ZCWPW1: variants seen among roughly 807,000 people sequenced by gnomAD.
ZCWPW1 encodes zinc finger CW-type and PWWP domain containing 1.
A neutral mutation model predicts 81.3 loss-of-function variants in ZCWPW1; 56 were observed. The observed-to-expected ratio is 0.69, with a 90% confidence interval of 0.56 to 0.86. The LOEUF (loss-of-function observed/expected upper bound fraction) is 0.86. Ranked by LOEUF, ZCWPW1 falls within the 40% of genes least tolerant of loss-of-function variation. The pLI is 0.00. For synonymous variants in ZCWPW1, 250 were observed against 273.7 expected, an observed-to-expected ratio of 0.91 and a Z score of 0.86; for missense variants, 650 against 769.8, an observed-to-expected ratio of 0.84 and a Z score of 1.84.
rs766317643 is a variant in ZCWPW1, at chr7:100,402,557, C to T, written c.1433G>A (p.Arg478His). 24 of 1,613,838 alleles carry T rather than the reference C, an allele frequency of 1.5e-5. No homozygotes were observed. Among genetic ancestry groups the T allele is most frequent in the Middle Eastern group, 3.3e-4 (2 of 6,084 alleles). The change falls in exon 16 of 18, where the codon CGT (arginine) becomes CAT (histidine). Residue 478 changes from arginine to histidine, a missense_variant. Physicochemically the swap from Arg to His is conservative, Grantham distance 29. Transcript: ENST00000684423. ...TTGGGTCTGTATTTTGACTCGCTTACGAATGGGCAAAATTGGGTCCTGAGG... is the reference window on the plus strand; with the variant it reads ...TTGGGTCTGTATTTTGACTCGCTTATGAATGGGCAAAATTGGGTCCTGAGG... ...GEKTDPILPI[R>H]KRVKIQTQKT...
chr7:100,405,753 T>C (rs1792872457), intron 12 of ZCWPW1, among the ~76,000 whole-genome samples: 2 of 152,136 alleles, frequency 1.3e-5, no homozygotes, highest in Admixed American at 6.5e-5. Context: ...TGCCTCAGCC[T>C]CCTGCTGGGA....
rs1489944706 is a variant in ZCWPW1, at chr7:100,406,828, T to C, written c.1069-30A>G. 2.5e-6 allele frequency: 4 copies of C among 1,584,010 alleles called. No individual in the cohort carries two copies. In the Admixed American group the frequency reaches 6.7e-5, roughly 26 times the overall value. On this transcript the variant is annotated intron_variant, in intron 11 of 17. Transcript: ENST00000684423. ...AATAAAAGATGATCCTGTTACGGAC[T>C]CCTGTCCTGCTCCCTGCTTTTCTCC...
intron 2 of ZCWPW1, among the ~76,000 whole-genome samples, chr7:100,423,429 C>T (rs1413265229): frequency 6.6e-6 from 1 of 152,104 alleles, no homozygotes; most frequent in Non-Finnish European, 1.5e-5. Context: ...CTTAAATGGC[C>T]AAACTCGTTC....
At chr7:100,422,134 T>C (rs1458459200) in intron 2 of ZCWPW1, among the ~76,000 whole-genome samples, 1 of 152,222 alleles carries the variant, frequency 6.6e-6, no homozygotes, top group East Asian at 1.9e-4. Flanking sequence ...GGTAACATTT[T>C]ACACTTGGGG....
intron 1 of ZCWPW1, among the ~76,000 whole-genome samples, chr7:100,426,766 T>TCCTTGCCCTCCTC (rs889478599): frequency 1.1e-5 from 1 of 94,200 alleles, no homozygotes. Context: ...TCCCCCTCCT[T>TCCTTGCCCTCCTC]CCTTGCCCTC....
At chr7:100,403,902 T>G in intron 14 of ZCWPW1, 117 bp from the exon 15 acceptor site, 1 of 1,138,918 alleles carries the variant, frequency 8.8e-7, no homozygotes, top group Non-Finnish European at 1.3e-6. Flanking sequence ...AAGTGGTATT[T>G]TCTCCATAAA....
Position 100,401,207 on chromosome 7 carries a change from G to A in ZCWPW1, c.1757C>T (p.Ala586Val), listed in dbSNP as rs369399006. The change falls in exon 18 of 18, where the codon GCG (alanine) becomes GTG (valine). Residue 586 changes from alanine (A) to valine (V), a missense_variant. By Grantham distance (64) the Ala-to-Val change is moderately conservative. Coordinates refer to ENST00000684423, the MANE Select transcript of ZCWPW1 (RefSeq NM_001386010.1). ...SACKGACPSSAKEEPRHREPL... is the reference protein window; with the variant it reads ...SACKGACPSSVKEEPRHREPL... The stretch of plus-strand genomic sequence containing the variant: ...TTCCCGGTGTCTGGGCTCTTCTTTC[G>A]CAGATGAGGGGCAGGCCCCCTTACA... 30 of 1,614,218 alleles carry A rather than the reference G, an allele frequency of 1.9e-5. No individual in the cohort carries two copies. The highest frequency in any genetic ancestry group is 3.3e-5 in the South Asian group (3 of 91,082).
intron 5 of ZCWPW1, among the ~76,000 whole-genome samples, chr7:100,418,480 A>T (rs1022476507): frequency 6.6e-6 from 1 of 152,090 alleles, no homozygotes; most frequent in Non-Finnish European, 1.5e-5. Flanking sequence ...GCAAGACCTC[A>T]TCTCTACAAA....
chr7:100,427,930 ACCCCCACTCCTG>A (rs1334605443), intron 1 of ZCWPW1, among the ~76,000 whole-genome samples: 1 of 133,716 alleles, frequency 7.5e-6, no homozygotes, highest in Admixed American at 7.5e-5. Flanking sequence ...TCTCCCCTCC[ACCCCCACTCCTG>A]CCGAGGCCCC....
intron 1 of ZCWPW1, among the ~76,000 whole-genome samples, chr7:100,427,245 C>G (rs1040897328): frequency 6.4e-5 from 7 of 109,790 alleles, no homozygotes; most frequent in Non-Finnish European, 1.1e-4. Context: ...TCCTTCCTTC[C>G]TCCCCCTTCC....
In ZCWPW1 at chr7:100,403,697, T is replaced by C. The variant is rs763042004; in HGVS notation, c.1410A>G (p.Lys470=). 9 of 1,610,810 alleles carry C rather than the reference T, an allele frequency of 5.6e-6. No homozygotes were observed. The East Asian group carries it at 1.6e-4, about 28-fold the overall frequency. ...CTGAAATTAAAGCTAATCTTACTGT[T>C]TTCTCTCCTTCCTCCTTTTCCAACT... The part of the protein sequence containing the change: ...EEELEKEEGE[K]TDPILPIRKR... The change falls in exon 15 of 18, where the codon AAA becomes AAG. Residue 470 remains lysine, a synonymous_variant. Transcript: ENST00000684423.
At chr7:100,414,851 C>T (rs1456511343) in intron 8 of ZCWPW1, among the ~76,000 whole-genome samples, 1 of 151,740 alleles carries the variant, frequency 6.6e-6, no homozygotes, top group African/African-American at 2.4e-5. Flanking sequence ...ATGGTGAAAC[C>T]CCATCTCTAC....
chr7:100,409,796 G>C (rs1312141977), intron 8 of ZCWPW1, among the ~76,000 whole-genome samples: 1 of 152,172 alleles, frequency 6.6e-6, no homozygotes, highest in Non-Finnish European at 1.5e-5. Flanking sequence ...TCTTTTTCCT[G>C]TACTAGGCTA....
chr7:100,402,210 C>A (rs1240902430), intron 16 of ZCWPW1, among the ~76,000 whole-genome samples, 169 bp from the exon 17 acceptor site: 2 of 152,164 alleles, frequency 1.3e-5, no homozygotes, highest in African/African-American at 4.8e-5. Flanking sequence ...CCCCCCAATT[C>A]TCTTTTTTTC....
At position 100,416,334 on chromosome 7, in the gene ZCWPW1, A is replaced by G. The variant is rs1184836081; in HGVS notation, c.602T>C (p.Leu201Pro). 1 of 1,614,006 alleles carries G rather than the reference A, an allele frequency of 6.2e-7. No homozygotes were observed. Among genetic ancestry groups the G allele is most frequent in the Non-Finnish European group, 8.5e-7 (1 of 1,180,010 alleles). The change falls in exon 7 of 18, where the codon CTC (leucine) becomes CCC (proline). Residue 201 changes from leucine to proline, a missense_variant. Transcript: ENST00000684423. ...TTCCTTCTTTCTTTTGCTTAAGGTG[A>G]GTCTATTGGATTTCTTCTTAGAGGG... ...PAPSKKKSNR[L>P]TLSKRKKEAQ...
intron 4 of ZCWPW1, 95 bp from the exon 5 acceptor site, chr7:100,419,284 G>C: frequency 9.3e-7 from 1 of 1,079,234 alleles, no homozygotes; most frequent in Non-Finnish European, 1.4e-6. Flanking sequence ...GAGGCAGTAA[G>C]TTTATAAGAC....
chr7:100,408,686 G>GACAGGAAGAGAC (rs1203637042), intron 9 of ZCWPW1, 27 bp from the exon 10 acceptor site: 1 of 1,603,016 alleles, frequency 6.2e-7, no homozygotes, highest in South Asian at 1.1e-5. Flanking sequence ...GGAATGAAGG[G>GACAGGAAGAGAC]ACAGGAAGAG....
intron 8 of ZCWPW1, 100 bp downstream of exon 8, chr7:100,415,875 C>A: frequency 6.8e-7 from 1 of 1,463,850 alleles, no homozygotes; most frequent in Non-Finnish European, 9.3e-7. Flanking sequence ...GAGAGATTGA[C>A]TATATTCTTT....
intron 14 of ZCWPW1, 72 bp downstream of exon 14, chr7:100,404,106 A>G: frequency 6.7e-7 from 1 of 1,492,156 alleles, no homozygotes; most frequent in Non-Finnish European, 9.2e-7. Context: ...AAATAAAGAA[A>G]AACATGGGTT....
Sources: allele counts gnomAD v4.1 joint callset (sites outside exome capture counted in the v4.1 genomes callset), GRCh38; gene constraint gnomAD v4.1.1; transcripts MANE v1.5; gene names NCBI Gene and HGNC (gene_info 2026-07-23, HGNC 2026-07-21).